The following CYP26C1 variants were observed in gnomAD, a reference collection of about 807,000 sequenced individuals.
CYP26C1 encodes the protein cytochrome P450 26C1.
CYP26C1 carries 41 observed loss-of-function variants against 39.1 expected under a neutral mutation model. The observed-to-expected ratio is 1.05, with a 90% CI of 0.82 to 1.36. The LOEUF is 1.36. Among genes scored for constraint, CYP26C1 ranks in the 40% most tolerant of loss-of-function variants. CYP26C1 has a pLI of 0.00. For synonymous variants in CYP26C1, 362 were observed against 350.8 expected (o/e 1.03, Z -0.36); for missense variants, 833 against 752.0 (o/e 1.11, Z -1.26).
At chr10:93,066,338 G>T (rs896116590) in intron 5 of CYP26C1, 53 bp downstream of exon 5, 5 of 1,229,140 alleles carry the variant, frequency 4.1e-6, no homozygotes, top group African/African-American at 3.3e-5. Flanking sequence ...GCCGCCTGCC[G>T]CCTGCCGCCT....
intron 5 of CYP26C1, among the ~76,000 whole-genome samples, chr10:93,067,315 T>C (rs916018445): frequency 6.6e-6 from 1 of 152,236 alleles, no homozygotes; most frequent in African/African-American, 2.4e-5. Flanking sequence ...AGCTGGAGTT[T>C]GAACTGGAGC....
At chr10:93,064,895 T>C in intron 4 of CYP26C1, 1 of 944,288 alleles carries the variant, frequency 1.1e-6, no homozygotes, top group Non-Finnish European at 1.3e-6. Context: ...GCCCTCATTA[T>C]TCATTTTTTC....
rs991399729 is a variant in CYP26C1, at chr10:93,062,230, G to A, written c.425G>A (p.Arg142His). The A allele has an allele frequency of 2.0e-6, 3 of 1,523,068 alleles. No individual in the cohort carries two copies. The Admixed American group carries it at 6.0e-5, about 30-fold the overall frequency. 94.3% of individuals were successfully genotyped at this position (1,523,068 alleles called of 1,614,324 possible). A position where few individuals can be genotyped will look rare whatever the true frequency, so the allele number is the denominator to read the frequency against. ...GAVGEPHRRR[R>H]KVLARVFSRA... ...GTCGGCGAGCCGCACCGGCGGCGGC[G>A]CAAGGTGAGTGGAAACGGGAATGGA... Residue 142 changes from arginine (R) to histidine (H), a missense_variant, in exon 2 of 6, where the codon CGC becomes CAC. Coordinates refer to ENST00000651965, the MANE Select transcript of CYP26C1 (RefSeq NM_183374.3).
Position 93,062,887 on chromosome 10 carries a change from G to A in CYP26C1, c.597G>A (p.Gly199=). 6.2e-7 allele frequency: 1 copy of A among 1,605,126 alleles called. No individual in the cohort carries two copies. ...GCATGGCCGCGCGCATCCTGCTGGG[G>A]TTGCGGCTGGACGAGGCGCAGTGCG... The part of the protein sequence containing the change: ...TFRMAARILL[G]LRLDEAQCAT... The change falls in exon 3 of 6, where the codon GGG becomes GGA. Residue 199 remains glycine, a synonymous_variant. Coordinates refer to ENST00000651965, the MANE Select transcript of CYP26C1 (RefSeq NM_183374.3).
chr10:93,061,894 T>C, intron 1 of CYP26C1, 116 bp from the exon 2 acceptor site: 1 of 1,071,854 alleles, frequency 9.3e-7, no homozygotes, highest in East Asian at 2.6e-5. Flanking sequence ...GATCTTGTTT[T>C]GTAAACGCGC....
Position 93,068,782 on chromosome 10 carries a change from C to G in CYP26C1, c.*85C>G. ...CATCTGCCGCTCCCCATTGTAGCGT[C>G]GCGCGCCCACTCTTTCACTCGTTCA... On this transcript the variant is annotated 3_prime_UTR_variant, in exon 6 of 6. Coordinates refer to ENST00000651965, the MANE Select transcript of CYP26C1 (RefSeq NM_183374.3). 6.3e-6 allele frequency: 9 copies of G among 1,436,786 alleles called. No homozygotes were observed. In the South Asian group the frequency reaches 1.2e-4, roughly 20 times the overall value. 89.0% of individuals were successfully genotyped at this position (1,436,786 alleles called of 1,614,324 possible). A position where few individuals can be genotyped will look rare whatever the true frequency, so the allele number is the denominator to read the frequency against.
chr10:93,062,333 AC>A, intron 2 of CYP26C1, 99 bp downstream of exon 2: 1 of 1,270,458 alleles, frequency 7.9e-7, no homozygotes, highest in East Asian at 2.5e-5. Context: ...TACACTGTGA[AC>A]CCGACCAAGG....
Position 93,062,786 on chromosome 10 carries a change from C to A in CYP26C1, c.496C>A (p.Arg166=). 1 of 1,528,250 alleles carries A rather than the reference C, an allele frequency of 6.5e-7. No individual in the cohort carries two copies. The allele number at this position is 1,528,250 out of a possible 1,614,324, so 94.7% of individuals were successfully genotyped here. ...RYVPRLQGAL[R]HEVRSWCAAG... is the part of the protein sequence containing the mutation. ...CGTGCCGCGCCTGCAGGGGGCGCTGCGGCATGAGGTGCGCTCCTGGTGCGC... is the reference window on the plus strand; with the variant it reads ...CGTGCCGCGCCTGCAGGGGGCGCTGAGGCATGAGGTGCGCTCCTGGTGCGC... The change falls in exon 3 of 6, where the codon CGG becomes AGG. Residue 166 remains arginine, a synonymous_variant. Coordinates refer to ENST00000651965, the MANE Select transcript of CYP26C1 (RefSeq NM_183374.3).
chr10:93,062,190 A>T lies in CYP26C1; in HGVS notation c.385A>T (p.Thr129Ser). 1 of 1,536,048 alleles carries T rather than the reference A, an allele frequency of 6.5e-7. No homozygotes were observed. The highest frequency in any genetic ancestry group is 8.7e-7 in the Non-Finnish European group (1 of 1,146,266). ...TGCGCACATCCTGCTGGGCTCGCACACACTGCTAGGTGCGGTCGGCGAGCC... is the reference window on the plus strand; with the variant it reads ...TGCGCACATCCTGCTGGGCTCGCACTCACTGCTAGGTGCGGTCGGCGAGCC... ...QSAHILLGSH[T>S]LLGAVGEPHR... Residue 129 changes from threonine to serine, a missense_variant, in exon 2 of 6, where the codon ACA (threonine) becomes TCA (serine). Thr to Ser is a moderately conservative substitution (Grantham distance 58, BLOSUM62 1). Coordinates refer to ENST00000651965, the MANE Select transcript of CYP26C1 (RefSeq NM_183374.3).
intron 5 of CYP26C1, among the ~76,000 whole-genome samples, chr10:93,067,510 G>T (rs1365795020): frequency 2.6e-5 from 4 of 152,206 alleles, no homozygotes; most frequent in Non-Finnish European, 4.4e-5. Context: ...ACAGGAAAGG[G>T]TCTTAGCCAC....
chr10:93,061,568 C>T, intron 1 of CYP26C1, 101 bp downstream of exon 1: 1 of 1,412,242 alleles, frequency 7.1e-7, no homozygotes, highest in Non-Finnish European at 9.7e-7. Flanking sequence ...TGTAGCCAGT[C>T]CCTGCCCATC....
chr10:93,063,184 T>C (rs1846775133), intron 3 of CYP26C1, 189 bp downstream of exon 3: 13 of 1,352,562 alleles, frequency 9.6e-6, no homozygotes, highest in Non-Finnish European at 1.1e-5. Flanking sequence ...GCCTCTGTGC[T>C]GGTTCGCTGG....
chr10:93,062,645 C>T, intron 2 of CYP26C1, 75 bp from the exon 3 acceptor site: 2 of 1,277,842 alleles, frequency 1.6e-6, no homozygotes, highest in South Asian at 1.8e-5. Context: ...CCGGAACTGG[C>T]CTTCTGGCTA....
Position 93,068,336 on chromosome 10 carries a change from A to G in CYP26C1, c.1208A>G (p.Lys403Arg). Residue 403 changes from lysine (K) to arginine (R), a missense_variant, in exon 6 of 6, where the codon AAG (lysine) becomes AGG (arginine). Transcript: ENST00000651965. ...TFELDGYQIP[K>R]GWSVMYSIRD... The stretch of plus-strand genomic sequence containing the variant: ...TCTCTGCAGGGCTACCAGATCCCCA[A>G]GGGCTGGAGCGTGATGTATAGCATC... 6.6e-7 allele frequency: 1 copy of G among 1,523,972 alleles called. No homozygotes were observed. The allele number at this position is 1,523,972 out of a possible 1,614,324, so 94.4% of individuals were successfully genotyped here. A position where few individuals can be genotyped will look rare whatever the true frequency, so the allele number is the denominator to read the frequency against.
At position 93,062,047 on chromosome 10, in the gene CYP26C1, G is replaced by A. The variant is rs1243689216; in HGVS notation, c.242G>A (p.Gly81Glu). 1 of 1,578,754 alleles carries A rather than the reference G, an allele frequency of 6.3e-7. No individual in the cohort carries two copies. Among genetic ancestry groups the A allele is most frequent in the Non-Finnish European group, 8.6e-7 (1 of 1,163,212 alleles). Reference protein sequence around the residue: ...RFHSSRRERYGTVFKTHLLGR... With the variant: ...RFHSSRRERYETVFKTHLLGR... ...CACAGTTCTCGCCGAGAGCGCTATG[G>A]GACAGTGTTCAAGACGCACCTGCTG... Residue 81 changes from glycine to glutamate, a missense_variant, in exon 2 of 6, where the codon GGG (glycine) becomes GAG (glutamate). Coordinates refer to ENST00000651965, the MANE Select transcript of CYP26C1 (RefSeq NM_183374.3).
At position 93,066,207 on chromosome 10, in the gene CYP26C1, C is replaced by A; in HGVS notation, c.1113C>A (p.Cys371Ter). 1.4e-6 allele frequency: 2 copies of A among 1,475,520 alleles called. No homozygotes were observed. The highest frequency in any genetic ancestry group is 2.2e-5 in the Admixed American group (1 of 46,232). 91.4% of individuals were successfully genotyped at this position (1,475,520 alleles called of 1,614,324 possible). Residue 371 changes from cysteine (C) to a stop codon, truncating the protein, a stop_gained, in exon 5 of 6, where the codon TGC (cysteine) becomes TGA (stop). Transcript: ENST00000651965. LOFTEE classifies it high-confidence loss of function. ...TGGGCCGTCTGCGCTACGTCGACTG[C>A]GTGGTCAAGGAGGTGCTGCGCCTCC... ...AALGRLRYVD[C>*]VVKEVLRLLP... is the part of the protein sequence containing the mutation.
At chr10:93,061,537 A>G in intron 1 of CYP26C1, 70 bp downstream of exon 1, 1 of 1,509,580 alleles carries the variant, frequency 6.6e-7, no homozygotes, top group Non-Finnish European at 9.0e-7. Flanking sequence ...GACCCTCCTC[A>G]GTCTCAATGC....
At chr10:93,065,839 C>T (rs1323902092) in intron 4 of CYP26C1, 117 bp from the exon 5 acceptor site, 1 of 995,890 alleles carries the variant, frequency 1.0e-6, no homozygotes, top group Non-Finnish European at 1.3e-6. Context: ...ACTTCCCTGC[C>T]CCCTGGCTTT....
chr10:93,065,074 C>G (rs1726133204), intron 4 of CYP26C1, among the ~76,000 whole-genome samples: 1 of 152,206 alleles, frequency 6.6e-6, no homozygotes, highest in Non-Finnish European at 1.5e-5. Flanking sequence ...CTTGTACACA[C>G]ATCGCACATA....
Sources: allele counts gnomAD v4.1 joint callset (sites outside exome capture counted in the v4.1 genomes callset), GRCh38; gene constraint gnomAD v4.1.1; transcripts MANE v1.5; gene names NCBI Gene and HGNC (gene_info 2026-07-23, HGNC 2026-07-21).